Variants in TMEM82 observed in about 807,000 individuals in gnomAD.
TMEM82 encodes the protein transmembrane protein 82.
Under a neutral mutation model 29.2 loss-of-function variants are expected in TMEM82, and 30 were observed. The observed-to-expected ratio is 1.03, with a 90% CI of 0.77 to 1.39. The LOEUF is 1.39. Ranked by LOEUF, TMEM82 falls within the 40% of genes most tolerant of loss-of-function variation. The pLI, the probability that TMEM82 is intolerant of heterozygous loss-of-function variation, is 0.00. For synonymous variants in TMEM82, 221 were observed against 225.4 expected, an observed-to-expected ratio of 0.98 and a Z score of 0.18; for missense variants, 442 against 447.7, an observed-to-expected ratio of 0.99 and a Z score of 0.12.
chr1:15,747,047 A>G lies in TMEM82; in HGVS notation c.938A>G (p.Gln313Arg), dbSNP rs1007003453. ...GTCCGCACCCTGCTTGACCTCTGCC[A>G]GATACAGGTGGGCACCCCCATCCCA... ...VGVRTLLDLC[Q>R]IQDFPSQRPP... The change falls in exon 5 of 6, where the codon CAG becomes CGG. Residue 313 changes from glutamine (Q) to arginine (R), a missense_variant. Physicochemically the swap from Gln to Arg is conservative, Grantham distance 43 (BLOSUM62 1). Transcript: ENST00000375782. 1 of 1,606,666 alleles carries G rather than the reference A, an allele frequency of 6.2e-7. No individual in the cohort carries two copies. The highest frequency in any genetic ancestry group is 8.5e-7 in the Non-Finnish European group (1 of 1,176,824).
At chr1:15,745,917 G>T (rs2068331834) in intron 4 of TMEM82, among the ~76,000 whole-genome samples, 1 of 151,324 alleles carries the variant, frequency 6.6e-6, no homozygotes, top group Non-Finnish European at 1.5e-5. Context: ...AAAAGAAGGG[G>T]TCTTGCCATG....
chr1:15,744,995 G>A lies in TMEM82; in HGVS notation c.757+415G>A, dbSNP rs568024800. 1.1e-3 allele frequency among the ~76,000 whole-genome samples: 162 copies of A among 152,310 alleles called. 1 individual carries two copies. Among genetic ancestry groups the A allele is most frequent in the African/African-American group, 3.2e-3 (132 of 41,570 alleles). On this transcript the variant is annotated intron_variant, in intron 4 of 5. Transcript: ENST00000375782. The surrounding 1 kb of genome is among the most constrained non-coding windows in gnomAD (Gnocchi z 5.2). Reference sequence around the variant, plus strand: ...TTGGAGAGCCCTCAACAGCCAGGCGGGGAAGTCTGATGAGAGGCTGCTGTC... The same window carrying A: ...TTGGAGAGCCCTCAACAGCCAGGCGAGGAAGTCTGATGAGAGGCTGCTGTC...
At position 15,745,397 on chromosome 1, in the gene TMEM82, G is replaced by A. The variant is rs563909041; in HGVS notation, c.757+817G>A. Among the ~76,000 whole-genome samples, 27 of 152,062 alleles carry A rather than the reference G, an allele frequency of 1.8e-4. No individual in the cohort carries two copies. The South Asian group carries it at 2.5e-3, about 14-fold the overall frequency. Reference sequence around the variant, plus strand: ...TAGCCCAGTGTGGTGGTCCATGCCTGTAATCCAGCTACTCAGGAGGCTGAG... The same window carrying A: ...TAGCCCAGTGTGGTGGTCCATGCCTATAATCCAGCTACTCAGGAGGCTGAG... On this transcript the variant is annotated intron_variant, in intron 4 of 5. Coordinates refer to ENST00000375782, the MANE Select transcript of TMEM82 (RefSeq NM_001013641.3).
At position 15,744,438 on chromosome 1, in the gene TMEM82, C is replaced by A; in HGVS notation, c.615C>A (p.Gly205=). ...AHAHGLPQLL[G]RALAIAFAVG... ...CACATGGCCTCCCCCAGCTGCTGGGCCGTGCCCTGGCCATAGCCTTTGCCG... is the reference window on the plus strand; with the variant it reads ...CACATGGCCTCCCCCAGCTGCTGGGACGTGCCCTGGCCATAGCCTTTGCCG... Residue 205 remains glycine (G), a synonymous_variant, in exon 4 of 6, where the codon GGC becomes GGA. Coordinates refer to ENST00000375782, the MANE Select transcript of TMEM82 (RefSeq NM_001013641.3). This position sits in a 1 kb window ranked among gnomAD's most constrained non-coding sequence, Gnocchi z 5.2. The A allele has an allele frequency of 6.3e-7, 1 of 1,599,512 alleles. No homozygotes were observed. Among genetic ancestry groups the A allele is most frequent in the Non-Finnish European group, 8.5e-7 (1 of 1,173,778 alleles).
In TMEM82 at chr1:15,744,883, G is replaced by A. The variant is rs552891194; in HGVS notation, c.757+303G>A. ...CCCAGAGGGGAGAGAGGGCATGGCC[G>A]TGCCAAACAAGCCACAGGAGTCCAG... On this transcript the variant is annotated intron_variant, in intron 4 of 5. Transcript: ENST00000375782. The surrounding 1 kb of genome is among the most constrained non-coding windows in gnomAD (Gnocchi z 5.2). Among the ~76,000 whole-genome samples, 407 of 152,288 alleles carry A rather than the reference G, an allele frequency of 2.7e-3. 2 individuals carry two copies. Among genetic ancestry groups the A allele is most frequent in the African/African-American group, 9.1e-3 (379 of 41,550 alleles).
Position 15,744,027 on chromosome 1 carries a change from G to A in TMEM82, c.337-133G>A. The A allele has an allele frequency of 1.3e-6, 1 of 790,590 alleles. No individual in the cohort carries two copies. Among genetic ancestry groups the A allele is most frequent in the Non-Finnish European group, 1.9e-6 (1 of 515,962 alleles). The allele number at this position is 790,590 out of a possible 1,614,324, so 49.0% of individuals were successfully genotyped here. A position where few individuals can be genotyped will look rare whatever the true frequency, so the allele number is the denominator to read the frequency against. On this transcript the variant is annotated intron_variant, in intron 3 of 5. Transcript: ENST00000375782. The surrounding 1 kb of genome is among the most constrained non-coding windows in gnomAD (Gnocchi z 5.2). Reference sequence around the variant, plus strand: ...AAGGTGAGAGAGATGATCCCCTAGGGCTTCATCTGAAGCCGATGTGGCCCC... The same window carrying A: ...AAGGTGAGAGAGATGATCCCCTAGGACTTCATCTGAAGCCGATGTGGCCCC...
chr1:15,747,766 G>A lies in TMEM82; in HGVS notation c.*134G>A. ...CCAGAGCTCAGCACAGGCCCTGGGAGCCCCGAGAAGGGAAGGCAGGATTTG... is the reference window on the plus strand; with the variant it reads ...CCAGAGCTCAGCACAGGCCCTGGGAACCCCGAGAAGGGAAGGCAGGATTTG... On this transcript the variant is annotated 3_prime_UTR_variant, in exon 6 of 6. Coordinates refer to ENST00000375782, the MANE Select transcript of TMEM82 (RefSeq NM_001013641.3). The A allele has an allele frequency of 1.4e-6, 1 of 733,238 alleles. No homozygotes were observed. Among genetic ancestry groups the A allele is most frequent in the Non-Finnish European group, 2.1e-6 (1 of 475,684 alleles). The allele number at this position is 733,238 out of a possible 1,614,324, so 45.4% of individuals were successfully genotyped here.
intron 2 of TMEM82, 54 bp downstream of exon 2, chr1:15,742,961 C>T (rs571532943): frequency 6.2e-7 from 1 of 1,605,454 alleles, no homozygotes; most frequent in African/African-American, 1.3e-5. Flanking sequence ...CGGGGACCCC[C>T]ACCAGGGGTC....
intron 5 of TMEM82, 152 bp from the exon 6 acceptor site, chr1:15,747,394 C>T: frequency 1.5e-6 from 1 of 688,140 alleles, no homozygotes. Context: ...CAGGGCTGTC[C>T]TCCAGGTCAC....
At chr1:15,747,086 C>T in intron 5 of TMEM82, 32 bp downstream of exon 5, 2 of 1,588,158 alleles carry the variant, frequency 1.3e-6, no homozygotes, top group Non-Finnish European at 1.7e-6. Flanking sequence ...GTCCCCCAGA[C>T]AATGAACCCT....
chr1:15,745,384 G>A (rs1032859958), intron 4 of TMEM82, among the ~76,000 whole-genome samples: 7 of 152,068 alleles, frequency 4.6e-5, no homozygotes, highest in African/African-American at 1.2e-4. Context: ...GCCCAGTGTG[G>A]TGGTCCATGC....
In TMEM82 at chr1:15,744,203, G is replaced by T; in HGVS notation, c.380G>T (p.Cys127Phe). 1 of 1,590,564 alleles carries T rather than the reference G, an allele frequency of 6.3e-7. No homozygotes were observed. Reference protein sequence around the residue: ...AAERLQLYLLCQYSLGCGLTC... With the variant: ...AAERLQLYLLFQYSLGCGLTC... The stretch of plus-strand genomic sequence containing the variant: ...GAGAGGCTGCAGCTCTACCTGCTGT[G>T]CCAGTACTCGCTGGGCTGCGGGCTG... Residue 127 changes from cysteine (C) to phenylalanine (F), a missense_variant, in exon 4 of 6, where the codon TGC becomes TTC. Cys to Phe is a radical substitution (Grantham distance 205). Coordinates refer to ENST00000375782, the MANE Select transcript of TMEM82 (RefSeq NM_001013641.3). This position sits in a 1 kb window ranked among gnomAD's most constrained non-coding sequence, Gnocchi z 5.2.
At chr1:15,745,874 G>T (rs1329201875) in intron 4 of TMEM82, among the ~76,000 whole-genome samples, 2 of 147,862 alleles carry the variant, frequency 1.4e-5, no homozygotes, top group East Asian at 2.0e-4. Flanking sequence ...GGCAACAGGG[G>T]CGAAACTCCA....
chr1:15,744,445 C>G lies in TMEM82; in HGVS notation c.622C>G (p.Leu208Val). The change falls in exon 4 of 6, where the codon CTG becomes GTG. Residue 208 changes from leucine (L) to valine (V), a missense_variant. Coordinates refer to ENST00000375782, the MANE Select transcript of TMEM82 (RefSeq NM_001013641.3). This position sits in a 1 kb window ranked among gnomAD's most constrained non-coding sequence, Gnocchi z 5.2. ...HGLPQLLGRA[L>V]AIAFAVGDLA... The stretch of plus-strand genomic sequence containing the variant: ...CCTCCCCCAGCTGCTGGGCCGTGCC[C>G]TGGCCATAGCCTTTGCCGTGGGTGA... 1.2e-6 allele frequency: 2 copies of G among 1,603,850 alleles called. No individual in the cohort carries two copies. Among genetic ancestry groups the G allele is most frequent in the Non-Finnish European group, 1.7e-6 (2 of 1,175,972 alleles).
Position 15,747,608 on chromosome 1 carries a change from G to T in TMEM82, c.1008G>T (p.Gln336His), listed in dbSNP as rs150676407. The T allele has an allele frequency of 6.2e-7, 1 of 1,614,070 alleles. No homozygotes were observed. The highest frequency in any genetic ancestry group is 1.1e-5 in the South Asian group (1 of 91,076). ...GCCAGCCCCTGCCCTCGGCACCCCA[G>T]TCCCAGAGTTCGGCCCCCTCTTGAC... ...TPSQPLPSAP[Q>H]SQSSAPS Residue 336 changes from glutamine to histidine, a missense_variant, in exon 6 of 6, where the codon CAG (glutamine) becomes CAT (histidine). Physicochemically the swap from Gln to His is conservative, Grantham distance 24. Coordinates refer to ENST00000375782, the MANE Select transcript of TMEM82 (RefSeq NM_001013641.3).
chr1:15,747,502 G>T lies in TMEM82; in HGVS notation c.946-44G>T, dbSNP rs183804781. The T allele has an allele frequency of 9.0e-5, 141 of 1,565,268 alleles. No individual in the cohort carries two copies. The East Asian group carries it at 3.2e-3, about 35-fold the overall frequency. On this transcript the variant is annotated intron_variant, in intron 5 of 5. Transcript: ENST00000375782. The stretch of plus-strand genomic sequence containing the variant: ...TCACTGGAGGCCCAAGGCCCGCAGG[G>T]GGATGGGTGAATGGGTGGTGTCATT...
chr1:15,745,404 A>G lies in TMEM82; in HGVS notation c.757+824A>G, dbSNP rs185100031. 7.5e-3 allele frequency among the ~76,000 whole-genome samples: 1,146 copies of G among 152,180 alleles called. 9 individuals are homozygous for G. Among genetic ancestry groups the G allele is most frequent in the South Asian group, 0.012 (57 of 4,820 alleles). On this transcript the variant is annotated intron_variant, in intron 4 of 5. Transcript: ENST00000375782. ...GTGTGGTGGTCCATGCCTGTAATCCAGCTACTCAGGAGGCTGAGGCACAAG... is the reference window on the plus strand; with the variant it reads ...GTGTGGTGGTCCATGCCTGTAATCCGGCTACTCAGGAGGCTGAGGCACAAG...
intron 5 of TMEM82, 137 bp downstream of exon 5, chr1:15,747,191 C>T: frequency 2.2e-6 from 2 of 927,232 alleles, no homozygotes; most frequent in Non-Finnish European, 1.6e-6. Context: ...ACTCAGGAGG[C>T]TGAGACCTGA....
At position 15,747,624 on chromosome 1, in the gene TMEM82, C is replaced by T. The variant is rs2068348311; in HGVS notation, c.1024C>T (p.Pro342Ser). The change falls in exon 6 of 6, where the codon CCC becomes TCC. Residue 342 changes from proline to serine, a missense_variant. Pro to Ser is a moderately conservative substitution (Grantham distance 74). Coordinates refer to ENST00000375782, the MANE Select transcript of TMEM82 (RefSeq NM_001013641.3). ...PSAPQSQSSA[P>S]S Reference sequence around the variant, plus strand: ...GGCACCCCAGTCCCAGAGTTCGGCCCCCTCTTGACCTGCCTCAGGGAGGAT... The same window carrying T: ...GGCACCCCAGTCCCAGAGTTCGGCCTCCTCTTGACCTGCCTCAGGGAGGAT... 6.2e-7 allele frequency: 1 copy of T among 1,613,858 alleles called. No individual in the cohort carries two copies. Among genetic ancestry groups the T allele is most frequent in the African/African-American group, 1.3e-5 (1 of 74,946 alleles).
Sources: gnomAD v4.1 joint callset for allele counts (sites outside exome capture counted in the v4.1 genomes callset) on GRCh38, gnomAD v4.1.1 for gene constraint, Gnocchi (gnomAD v3.1) non-coding constraint, MANE v1.5 for transcripts, NCBI Gene and HGNC (gene_info 2026-07-23, HGNC 2026-07-21) for gene names.